The following MCUB variants were observed in gnomAD, a reference collection of about 807,000 sequenced individuals.
The protein encoded by MCUB is calcium uniporter regulatory subunit MCUb, mitochondrial.
MCUB carries 46 observed loss-of-function variants against 41.4 expected under a neutral mutation model. The ratio of observed to expected loss-of-function variants is 1.11; its 90% CI spans 0.88 to 1.42. The LOEUF (loss-of-function observed/expected upper bound fraction) is 1.42. Among genes scored for constraint, MCUB ranks in the 40% most tolerant of loss-of-function variants. MCUB has a pLI of 0.00. For synonymous variants in MCUB, 148 were observed against 148.2 expected, an observed-to-expected ratio of 1.00 and a Z score of 0.01; for missense variants, 403 against 404.9, an observed-to-expected ratio of 1.00 and a Z score of 0.04.
intron 1 of MCUB, among the ~76,000 whole-genome samples, chr4:109,574,814 C>T (rs1038914953): frequency 6.6e-6 from 1 of 152,060 alleles, no homozygotes. Context: ...GCACTGATAA[C>T]GAAGTGCTCA....
intron 1 of MCUB, among the ~76,000 whole-genome samples, chr4:109,597,137 T>C (rs1229758671): frequency 7.9e-5 from 12 of 151,574 alleles, no homozygotes; most frequent in Admixed American, 6.6e-5. Context: ...TACTTCTTTC[T>C]ACACAGACAC....
intron 1 of MCUB, among the ~76,000 whole-genome samples, chr4:109,582,908 T>C (rs1023986905): frequency 6.6e-6 from 1 of 152,214 alleles, no homozygotes; most frequent in Non-Finnish European, 1.5e-5. Flanking sequence ...CTTTGTTCTG[T>C]TCCATGGGTC....
In MCUB at chr4:109,605,457, A is replaced by G. The variant is rs77815757; in HGVS notation, c.99+45021A>G. Among the ~76,000 whole-genome samples, 1,227 of 152,302 alleles carry G rather than the reference A, an allele frequency of 8.1e-3. 8 individuals carry two copies. The highest frequency in any genetic ancestry group is 0.019 in the South Asian group (93 of 4,818). ...TGTTTTGTGACCTAGCATATTATCT[A>G]TCCTTGAGAATGATCCATGTGCTGA... is the stretch of plus-strand genomic sequence containing the variant. On this transcript the variant is annotated intron_variant, in intron 1 of 7. Transcript: ENST00000394650.
At chr4:109,656,791 G>T (rs545107795) in intron 1 of MCUB, among the ~76,000 whole-genome samples, 61 of 152,318 alleles carry the variant, frequency 4.0e-4, no homozygotes, top group African/African-American at 1.4e-3. Context: ...TTTGCTAAAA[G>T]TAGTAGACGG....
chr4:109,631,086 C>T (rs536078054), intron 1 of MCUB, among the ~76,000 whole-genome samples: 2 of 152,194 alleles, frequency 1.3e-5, no homozygotes, highest in Non-Finnish European at 2.9e-5. Flanking sequence ...GGACAGAAGT[C>T]AGTGGCAACT....
intron 1 of MCUB, among the ~76,000 whole-genome samples, chr4:109,652,634 A>G (rs979443709): frequency 2.8e-4 from 43 of 152,094 alleles, no homozygotes; most frequent in African/African-American, 1.0e-3. Context: ...CCCTTTTATA[A>G]TTGGCATCAA....
At chr4:109,585,783 G>A (rs1458684587) in intron 1 of MCUB, among the ~76,000 whole-genome samples, 1 of 152,198 alleles carries the variant, frequency 6.6e-6, no homozygotes, top group Non-Finnish European at 1.5e-5. Flanking sequence ...GGCCCCCACT[G>A]TTTTCTGGCT....
chr4:109,609,841 T>C (rs1455640921), intron 1 of MCUB, among the ~76,000 whole-genome samples: 2 of 152,214 alleles, frequency 1.3e-5, no homozygotes, highest in Non-Finnish European at 2.9e-5. Context: ...CCAGCCAGGC[T>C]TCTGTCCTTC....
chr4:109,579,567 T>C (rs1328632142), intron 1 of MCUB, among the ~76,000 whole-genome samples: 1 of 152,218 alleles, frequency 6.6e-6, no homozygotes, highest in Non-Finnish European at 1.5e-5. Context: ...AGGCAGGTTT[T>C]GCACTTAATC....
chr4:109,603,196 C>A (rs1727783800), intron 1 of MCUB, among the ~76,000 whole-genome samples: 2 of 152,218 alleles, frequency 1.3e-5, no homozygotes, highest in Admixed American at 1.3e-4. Context: ...AACCTCCCTG[C>A]CTGATTCTCC....
intron 1 of MCUB, among the ~76,000 whole-genome samples, chr4:109,606,358 T>G (rs2126132391): frequency 6.6e-6 from 1 of 152,254 alleles, no homozygotes; most frequent in Non-Finnish European, 1.5e-5. Flanking sequence ...TCAATGTTAT[T>G]ATTGATAAGT....
At chr4:109,564,086 T>A (rs557647120) in intron 1 of MCUB, among the ~76,000 whole-genome samples, 15 of 152,288 alleles carry the variant, frequency 9.8e-5, no homozygotes, top group African/African-American at 3.6e-4. Context: ...GATTCAATGT[T>A]TTATGTCATT....
intron 1 of MCUB, among the ~76,000 whole-genome samples, chr4:109,603,365 C>T (rs972989858): frequency 1.2e-4 from 18 of 152,176 alleles, no homozygotes; most frequent in South Asian, 2.1e-4. Flanking sequence ...CCGAGGTGCC[C>T]GGATTGCAGA....
At chr4:109,684,973 A>C (rs1045262849) in intron 6 of MCUB, 5 of 390,222 alleles carry the variant, frequency 1.3e-5, no homozygotes, top group African/African-American at 8.3e-5. Flanking sequence ...ATGGTTATTT[A>C]ATATGCCAAA....
At chr4:109,605,949 G>C (rs535064013) in intron 1 of MCUB, among the ~76,000 whole-genome samples, 12 of 136,948 alleles carry the variant, frequency 8.8e-5, no homozygotes, top group Non-Finnish European at 1.6e-4. Flanking sequence ...TAGATCACTG[G>C]GCCTGGGTTT....
At chr4:109,560,592 G>A (rs1726600231) in intron 1 of MCUB, among the ~76,000 whole-genome samples, 156 bp downstream of exon 1, 1 of 152,216 alleles carries the variant, frequency 6.6e-6, no homozygotes, top group Admixed American at 6.5e-5. Flanking sequence ...ACAGGTGGTG[G>A]CCGGGCGGCC....
intron 1 of MCUB, among the ~76,000 whole-genome samples, chr4:109,636,013 A>G (rs982862739): frequency 1.3e-5 from 2 of 152,204 alleles, no homozygotes; most frequent in African/African-American, 4.8e-5. Context: ...CAGTTTTCCA[A>G]AGTGTAGTTG....
intron 4 of MCUB, among the ~76,000 whole-genome samples, chr4:109,669,367 G>A (rs1729407500): frequency 6.6e-6 from 1 of 152,076 alleles, no homozygotes; most frequent in Non-Finnish European, 1.5e-5. Flanking sequence ...TATGATTTCA[G>A]AGAAGTCAGG....
chr4:109,629,652 C>T lies in MCUB; in HGVS notation c.100-29359C>T, dbSNP rs1579073179. 2.0e-5 allele frequency among the ~76,000 whole-genome samples: 3 copies of T among 152,144 alleles called. No individual in the cohort carries two copies. The East Asian group carries it at 5.8e-4, about 29-fold the overall frequency. Reference sequence around the variant, plus strand: ...GTGGCTCACAGAAAACTCAAGGAAACACATCTACTCGTTTACTATATAGGA... The same window carrying T: ...GTGGCTCACAGAAAACTCAAGGAAATACATCTACTCGTTTACTATATAGGA... On this transcript the variant is annotated intron_variant, in intron 1 of 7. Coordinates refer to ENST00000394650, the MANE Select transcript of MCUB (RefSeq NM_017918.5).
Sources: allele counts gnomAD v4.1 joint callset (sites outside exome capture counted in the v4.1 genomes callset), GRCh38; gene constraint gnomAD v4.1.1; transcripts MANE v1.5; gene names NCBI Gene and HGNC (gene_info 2026-07-23, HGNC 2026-07-21).